Variants in FPGT observed in about 807,000 individuals in gnomAD.
FPGT encodes the protein fucose-1-phosphate guanylyltransferase.
Under a neutral mutation model 45.8 loss-of-function variants are expected in FPGT, and 41 were observed. The observed-to-expected ratio is 0.90, with a 90% CI of 0.70 to 1.16. The LOEUF (loss-of-function observed/expected upper bound fraction) is 1.16, where lower values mean the gene tolerates loss of function less well. Ranked by LOEUF, FPGT falls within the 50% of genes most tolerant of loss-of-function variation. The probability of loss-of-function intolerance (pLI) is 0.00; values close to 1 mark genes in which losing one functional copy is unlikely to be tolerated. For missense variants in FPGT, 755 were observed against 689.1 expected, an observed-to-expected ratio of 1.10 and a Z score of -1.07; for synonymous variants, 292 against 247.2, an observed-to-expected ratio of 1.18 and a Z score of -1.70.
Position 74,204,905 on chromosome 1 carries a change from T to A in FPGT, c.858T>A (p.Ala286=), listed in dbSNP as rs180844606. Reference sequence around the variant, plus strand: ...ATAAATCAGCAAAAATGTTACTTGCTTTTTATGAAAAAATAGGCACACTGA... The same window carrying A: ...ATAAATCAGCAAAAATGTTACTTGCATTTTATGAAAAAATAGGCACACTGA... ...MDHKSAKMLL[A]FYEKIGTLSC... Residue 286 remains alanine, a synonymous_variant, in exon 4 of 4, where the codon GCT becomes GCA. Coordinates refer to ENST00000370898, the MANE Select transcript of FPGT (RefSeq NM_003838.5). 154 of 1,613,722 alleles carry A rather than the reference T, an allele frequency of 9.5e-5. No individual in the cohort carries two copies. The Admixed American group carries it at 2.5e-3, about 26-fold the overall frequency.
Position 74,198,329 on chromosome 1 carries a change from G to C in FPGT, c.51G>C (p.Gln17His), listed in dbSNP as rs1403247130. 1 of 1,614,142 alleles carries C rather than the reference G, an allele frequency of 6.2e-7. No homozygotes were observed. The highest frequency in any genetic ancestry group is 8.5e-7 in the Non-Finnish European group (1 of 1,180,030). ...AAGTATCGCTGCGAGAAGCCACCCAGCGAAAATTGCGGAGGTTTTCCGAGC... is the reference window on the plus strand; with the variant it reads ...AAGTATCGCTGCGAGAAGCCACCCACCGAAAATTGCGGAGGTTTTCCGAGC... ...PPEVSLREAT[Q>H]RKLRRFSELR... The change falls in exon 1 of 4, where the codon CAG becomes CAC. Residue 17 changes from glutamine to histidine, a missense_variant. By Grantham distance (24) the Gln-to-His change is conservative. Coordinates refer to ENST00000370898, the MANE Select transcript of FPGT (RefSeq NM_003838.5).
chr1:74,205,123 T>C lies in FPGT; in HGVS notation c.1076T>C (p.Ile359Thr), dbSNP rs981448250. Reference sequence around the variant, plus strand: ...CTTAATAACTCCAAATTTTATCACATTGGAACAACCGAAGAATATTTGTTT... The same window carrying C: ...CTTAATAACTCCAAATTTTATCACACTGGAACAACCGAAGAATATTTGTTT... The part of the protein sequence containing the change: ...VVLNNSKFYH[I>T]GTTEEYLFYF... Residue 359 changes from isoleucine (I) to threonine (T), a missense_variant, in exon 4 of 4, where the codon ATT (isoleucine) becomes ACT (threonine). Transcript: ENST00000370898. 6.2e-7 allele frequency: 1 copy of C among 1,613,714 alleles called. No homozygotes were observed. The highest frequency in any genetic ancestry group is 1.3e-5 in the African/African-American group (1 of 74,916).
intron 1 of FPGT, among the ~76,000 whole-genome samples, chr1:74,199,097 G>A (rs949295690): frequency 6.6e-6 from 1 of 152,120 alleles, no homozygotes; most frequent in Non-Finnish European, 1.5e-5. Context: ...CAGAGAGTTG[G>A]GACCTTCTGT....
Position 74,204,992 on chromosome 1 carries a change from G to C in FPGT, c.945G>C (p.Glu315Asp), listed in dbSNP as rs764593211. 9 of 1,613,908 alleles carry C rather than the reference G, an allele frequency of 5.6e-6. No individual in the cohort carries two copies. In the African/African-American group the frequency reaches 1.2e-4, roughly 22 times the overall value. Reference protein sequence around the residue: ...LQALGPGATVEYTRNTSNVIK... With the variant: ...LQALGPGATVDYTRNTSNVIK... ...CTTTGGGACCTGGAGCAACTGTGGA[G>C]TACACCAGAAACACATCAAATGTCA... The change falls in exon 4 of 4, where the codon GAG becomes GAC. Residue 315 changes from glutamate (E) to aspartate (D), a missense_variant. Coordinates refer to ENST00000370898, the MANE Select transcript of FPGT (RefSeq NM_003838.5).
At position 74,205,130 on chromosome 1, in the gene FPGT, A is replaced by G. The variant is rs1652158256; in HGVS notation, c.1083A>G (p.Thr361=). The G allele has an allele frequency of 1.9e-6, 3 of 1,613,662 alleles. No individual in the cohort carries two copies. The highest frequency in any genetic ancestry group is 1.3e-5 in the African/African-American group (1 of 74,928). The change falls in exon 4 of 4, where the codon ACA becomes ACG. Residue 361 remains threonine (T), a synonymous_variant. Transcript: ENST00000370898. ...ACTCCAAATTTTATCACATTGGAAC[A>G]ACCGAAGAATATTTGTTTTACTTTA... ...LNNSKFYHIG[T]TEEYLFYFTS... is the part of the protein sequence containing the mutation.
At position 74,198,315 on chromosome 1, in the gene FPGT, C is replaced by T. The variant is rs201738008; in HGVS notation, c.37C>T (p.Arg13Ter). 6.2e-7 allele frequency: 1 copy of T among 1,614,120 alleles called. No homozygotes were observed. ...AARDPPEVSL[R>*]EATQRKLRRF... ...TAGGGACCCTCCGGAAGTATCGCTGCGAGAAGCCACCCAGCGAAAATTGCG... is the reference window on the plus strand; with the variant it reads ...TAGGGACCCTCCGGAAGTATCGCTGTGAGAAGCCACCCAGCGAAAATTGCG... The change falls in exon 1 of 4, where the codon CGA (arginine) becomes TGA (stop). Residue 13 changes from arginine (R) to a stop codon, truncating the protein, a stop_gained. Transcript: ENST00000370898. LOFTEE classifies it high-confidence loss of function.
chr1:74,205,296 T>C lies in FPGT; in HGVS notation c.1249T>C (p.Ser417Pro). 2 of 1,614,074 alleles carry C rather than the reference T, an allele frequency of 1.2e-6. No homozygotes were observed. The highest frequency in any genetic ancestry group is 1.1e-5 in the South Asian group (1 of 91,076). Residue 417 changes from serine to proline, a missense_variant, in exon 4 of 4, where the codon TCA (serine) becomes CCA (proline). Ser to Pro is a moderately conservative substitution (Grantham distance 74, BLOSUM62 -1). Transcript: ENST00000370898. ...TTCAAGATGTTCTGTGGCACCTGGC[T>C]CAGTTGTGGAGTATTCCAGATTGGG... ...LDSRCSVAPG[S>P]VVEYSRLGPD... is the part of the protein sequence containing the mutation.
intron 3 of FPGT, among the ~76,000 whole-genome samples, chr1:74,201,865 C>T (rs1415348130): frequency 6.6e-6 from 1 of 152,090 alleles, no homozygotes; most frequent in Admixed American, 6.6e-5. Context: ...AGGTATTAAG[C>T]CAGCATGCAT....
chr1:74,202,197 A>T (rs17526130), intron 3 of FPGT, among the ~76,000 whole-genome samples: 2,831 of 152,330 alleles, frequency 0.019, 39 homozygotes, highest in South Asian at 0.033. Context: ...TTTTGGTTAC[A>T]TGAAAACCTT....
At position 74,199,751 on chromosome 1, in the gene FPGT, T is replaced by A. The variant is rs959016712; in HGVS notation, c.170T>A (p.Leu57Gln). The change falls in exon 2 of 4, where the codon CTG becomes CAG. Residue 57 changes from leucine (L) to glutamine (Q), a missense_variant. Transcript: ENST00000370898. ...CAGGAACTTGCTTACAACCAACAGC[T>A]GTCAGAAAAGCTGAAAAGAAAGGAG... ...EKQELAYNQQLSEKLKRKELP... is the reference protein window; with the variant it reads ...EKQELAYNQQQSEKLKRKELP... The A allele has an allele frequency of 1.1e-5, 18 of 1,614,038 alleles. No homozygotes were observed. The highest frequency in any genetic ancestry group is 1.5e-5 in the Non-Finnish European group (18 of 1,180,030).
chr1:74,205,497 T>C lies in FPGT; in HGVS notation c.1450T>C (p.Leu484=), dbSNP rs1406373238. The part of the protein sequence containing the change: ...QDNLKKSVKT[L]SDIKLLQFFG... ...CAACTTGAAAAAGAGTGTGAAAACA[T>C]TGTCAGATATAAAGTTACTTCAATT... The change falls in exon 4 of 4, where the codon TTG becomes CTG. Residue 484 remains leucine (L), a synonymous_variant. Coordinates refer to ENST00000370898, the MANE Select transcript of FPGT (RefSeq NM_003838.5). 6.8e-6 allele frequency: 11 copies of C among 1,612,938 alleles called. No homozygotes were observed. The highest frequency in any genetic ancestry group is 1.3e-5 in the African/African-American group (1 of 74,894).
rs758748726 is a variant in FPGT, at chr1:74,204,753, A to G, written c.706A>G (p.Met236Val). The G allele has an allele frequency of 1.2e-6, 2 of 1,614,052 alleles. No individual in the cohort carries two copies. Among genetic ancestry groups the G allele is most frequent in the South Asian group, 1.1e-5 (1 of 91,076 alleles). ...CCTTCATAAGCCCAGCATAGAAAAG[A>G]TGTATCAGTTTAATGCTGTGTGTAG... ...RFLHKPSIEK[M>V]YQFNAVCRPG... Residue 236 changes from methionine (M) to valine (V), a missense_variant, in exon 4 of 4, where the codon ATG (methionine) becomes GTG (valine). Coordinates refer to ENST00000370898, the MANE Select transcript of FPGT (RefSeq NM_003838.5).
In FPGT at chr1:74,198,284, A is replaced by G. The variant is rs760690123; in HGVS notation, c.6A>G (p.Ala2=). The G allele has an allele frequency of 1.2e-5, 19 of 1,613,960 alleles. No individual in the cohort carries two copies. The highest frequency in any genetic ancestry group is 1.5e-5 in the Non-Finnish European group (18 of 1,179,978). Residue 2 remains alanine (A), a synonymous_variant, in exon 1 of 4, where the codon GCA becomes GCG. Coordinates refer to ENST00000370898, the MANE Select transcript of FPGT (RefSeq NM_003838.5). The part of the protein sequence containing the change: M[A]AARDPPEVSL... ...GTCTCAGGGAAGGTGGGGCTATGGCAGCTGCTAGGGACCCTCCGGAAGTAT... is the reference window on the plus strand; with the variant it reads ...GTCTCAGGGAAGGTGGGGCTATGGCGGCTGCTAGGGACCCTCCGGAAGTAT...
At chr1:74,198,875 CCTGT>C in intron 1 of FPGT, among the ~76,000 whole-genome samples, 1 of 152,218 alleles carries the variant, frequency 6.6e-6, no homozygotes, top group East Asian at 1.9e-4. Context: ...TCCCTGTACA[CCTGT>C]CTAATAAAAG....
chr1:74,208,604 A>T lies in FPGT; in HGVS notation c.*2772A>T, dbSNP rs1354455312. Among the ~76,000 whole-genome samples, 2 of 152,110 alleles carry T rather than the reference A, an allele frequency of 1.3e-5. No homozygotes were observed. Among genetic ancestry groups the T allele is most frequent in the African/African-American group, 4.8e-5 (2 of 41,412 alleles). ...GGGCATGGGAAAAATTCAACATTTG[A>T]TAATAATCTTTTACCTTAGGCATTT... is the stretch of plus-strand genomic sequence containing the variant. On this transcript the variant is annotated 3_prime_UTR_variant, in exon 4 of 4. Transcript: ENST00000370898.
rs987406923 is a variant in FPGT at position 74,206,831 on chromosome 1, T to G, written c.*999T>G. 1.3e-5 allele frequency: 2 copies of G among 152,098 alleles called. No homozygotes were observed. Among genetic ancestry groups the G allele is most frequent in the Non-Finnish European group, 2.9e-5 (2 of 67,970 alleles). 9.4% of individuals were successfully genotyped at this position (152,098 alleles called of 1,614,324 possible). ...GCTAGAATCTCAAGTTATGTGTTTCTATATTGGTATAAGCATATAAGTGAA... is the reference window on the plus strand; with the variant it reads ...GCTAGAATCTCAAGTTATGTGTTTCGATATTGGTATAAGCATATAAGTGAA... On this transcript the variant is annotated 3_prime_UTR_variant, in exon 4 of 4. Coordinates refer to ENST00000370898, the MANE Select transcript of FPGT (RefSeq NM_003838.5).
At chr1:74,198,425 A>G (rs781248089) in intron 1 of FPGT, 65 bp downstream of exon 1, 3 of 1,590,760 alleles carry the variant, frequency 1.9e-6, no homozygotes, top group South Asian at 2.3e-5. Context: ...ACGTGCCAGG[A>G]GGTTTGCTGG....
rs1652327398 is a variant in FPGT, at chr1:74,206,927, A to G, written c.*1095A>G. 6.6e-6 allele frequency: 1 copy of G among 152,100 alleles called. No individual in the cohort carries two copies. Among genetic ancestry groups the G allele is most frequent in the South Asian group, 2.1e-4 (1 of 4,832 alleles). The allele number at this position is 152,100 out of a possible 1,614,324, so 9.4% of individuals were successfully genotyped here. On this transcript the variant is annotated 3_prime_UTR_variant, in exon 4 of 4. Coordinates refer to ENST00000370898, the MANE Select transcript of FPGT (RefSeq NM_003838.5). ...TTAAATGAAATAACTAGTCTGTGCT[A>G]CTTTATGTCAATATAAAAATTGGTA...
At chr1:74,201,293 G>A (rs777963024) in intron 2 of FPGT, 25 bp from the exon 3 acceptor site, 36 of 1,582,674 alleles carry the variant, frequency 2.3e-5, no homozygotes, top group Admixed American at 1.5e-4. Context: ...TAAATAAATT[G>A]TGCTTTTTTA....
Sources: allele counts gnomAD v4.1 joint callset (sites outside exome capture counted in the v4.1 genomes callset), GRCh38; gene constraint gnomAD v4.1.1; transcripts MANE v1.5; gene names NCBI Gene and HGNC (gene_info 2026-07-23, HGNC 2026-07-21).